RBFOX1: variants seen among roughly 807,000 people sequenced by gnomAD.
The protein encoded by RBFOX1 is RNA binding fox-1 homolog 1, also known as RNA binding protein fox-1 homolog 1.
Under a neutral mutation model 57.7 loss-of-function variants are expected in RBFOX1, and 8 were observed. That is an observed-to-expected ratio of 0.14 (90% CI 0.08 to 0.25). RBFOX1 has a LOEUF of 0.25. Among genes scored for constraint, RBFOX1 ranks in the 10% least tolerant of loss-of-function variants. The pLI is 1.00. For missense variants in RBFOX1, 611 were observed against 548.5 expected, an observed-to-expected ratio of 1.11 and a Z score of -1.14; for synonymous variants, 326 against 222.4, an observed-to-expected ratio of 1.47 and a Z score of -4.15.
intron 4 of RBFOX1, among the ~76,000 whole-genome samples, chr16:7,428,516 T>TTAC (rs1568851982): frequency 6.9e-6 from 1 of 145,216 alleles, no homozygotes; most frequent in African/African-American, 2.5e-5. Flanking sequence ...ATTATTATTA[T>TTAC]TATTATTATT....
chr16:7,350,005 G>C (rs966149888), intron 4 of RBFOX1, among the ~76,000 whole-genome samples: 23 of 152,146 alleles, frequency 1.5e-4, no homozygotes, highest in African/African-American at 5.5e-4. Context: ...AAAATTAGCT[G>C]GCATGATGGC....
At chr16:6,986,710 C>T (rs764911540) in intron 3 of RBFOX1, among the ~76,000 whole-genome samples, 1 of 151,994 alleles carries the variant, frequency 6.6e-6, no homozygotes, top group Non-Finnish European at 1.5e-5. Flanking sequence ...TGTCTTTTTG[C>T]AAATTCTTGA....
intron 4 of RBFOX1, among the ~76,000 whole-genome samples, chr16:7,360,873 T>C (rs1164594272): frequency 6.6e-6 from 1 of 152,228 alleles, no homozygotes; most frequent in Non-Finnish European, 1.5e-5. Flanking sequence ...CCTTGACATC[T>C]TCGAGTATCT....
chr16:7,135,535 G>A (rs963723834), intron 4 of RBFOX1, among the ~76,000 whole-genome samples: 2 of 152,218 alleles, frequency 1.3e-5, no homozygotes, highest in African/African-American at 2.4e-5. Flanking sequence ...GCAATAAGAA[G>A]ATAATTAAGG....
intron 2 of RBFOX1, among the ~76,000 whole-genome samples, chr16:6,531,557 A>G (rs1043660347): frequency 3.3e-5 from 5 of 152,134 alleles, no homozygotes; most frequent in Non-Finnish European, 5.9e-5. Flanking sequence ...CTTTTGGAAA[A>G]TACCTATTGT....
At chr16:6,688,552 G>C (rs982996525) in intron 3 of RBFOX1, among the ~76,000 whole-genome samples, 50 of 152,144 alleles carry the variant, frequency 3.3e-4, no homozygotes, top group African/African-American at 1.1e-3. Context: ...CACCGTAGTG[G>C]GGACAATAGG....
At chr16:6,612,007 G>A (rs986424985) in intron 2 of RBFOX1, among the ~76,000 whole-genome samples, 1 of 152,058 alleles carries the variant, frequency 6.6e-6, no homozygotes, top group Non-Finnish European at 1.5e-5. Flanking sequence ...TCCCCTTGAT[G>A]AAAAAATTCC....
chr16:6,807,395 G>T, intron 3 of RBFOX1, among the ~76,000 whole-genome samples: 1 of 152,120 alleles, frequency 6.6e-6, no homozygotes, highest in East Asian at 1.9e-4. Context: ...TGCATTTAGG[G>T]TTGGTTGACT....
chr16:7,303,682 C>G lies in RBFOX1; in HGVS notation c.28-214465C>G, dbSNP rs191557980. ...AATGAGGAGACAGACAGCATCAGAA[C>G]CAACGGAGTGAGCTTCAGTGTGAGT... is the stretch of plus-strand genomic sequence containing the variant. On this transcript the variant is annotated intron_variant, in intron 4 of 15. Transcript: ENST00000550418. 5.9e-4 allele frequency among the ~76,000 whole-genome samples: 90 copies of G among 152,234 alleles called. No homozygotes were observed. The South Asian group carries it at 8.9e-3, about 15-fold the overall frequency.
At chr16:7,427,968 C>A (rs1213189450) in intron 4 of RBFOX1, among the ~76,000 whole-genome samples, 1 of 152,142 alleles carries the variant, frequency 6.6e-6, no homozygotes, top group Non-Finnish European at 1.5e-5. Flanking sequence ...GAACATACTC[C>A]GTGCCCCCAT....
chr16:5,892,769 A>G (rs2151937163), intron 4 of RBFOX1, among the ~76,000 whole-genome samples: 1 of 152,242 alleles, frequency 6.6e-6, no homozygotes. Flanking sequence ...TATTTTAGGA[A>G]CAGCATGTGC....
chr16:6,858,980 C>G (rs1444360308), intron 3 of RBFOX1, among the ~76,000 whole-genome samples: 1 of 151,264 alleles, frequency 6.6e-6, no homozygotes, highest in Admixed American at 6.6e-5. Flanking sequence ...CACATGTACA[C>G]ATTTTAGCTT....
chr16:6,221,850 A>G (rs1267071079), intron 1 of RBFOX1, among the ~76,000 whole-genome samples: 3 of 152,176 alleles, frequency 2.0e-5, no homozygotes, highest in African/African-American at 4.8e-5. Context: ...CCCATGATCC[A>G]GTTTTCTCCA....
rs546277434 is a variant in RBFOX1, at chr16:5,903,193, T to C, written c.351+35858T>C. On this transcript the variant is annotated intron_variant, in intron 4 of 19. Coordinates refer to the RBFOX1 transcript ENST00000641259. ...TTCTGCACTGGAAAATGTAAACCCA[T>C]GCAGTGTTTCAGAAGACAGTCTCCT... Among the ~76,000 whole-genome samples the C allele has an allele frequency of 2.9e-4, 44 of 152,222 alleles. 1 individual carries two copies. The South Asian group carries it at 8.5e-3, about 29-fold the overall frequency.
intron 3 of RBFOX1, among the ~76,000 whole-genome samples, chr16:6,977,557 A>G (rs1169025887): frequency 3.9e-5 from 6 of 152,016 alleles, no homozygotes; most frequent in Admixed American, 2.6e-4. Context: ...ACCTCTGACA[A>G]TTGGACACAC....
intron 11 of RBFOX1, among the ~76,000 whole-genome samples, chr16:7,637,426 G>C (rs916349285): frequency 7.2e-5 from 11 of 152,204 alleles, no homozygotes; most frequent in Non-Finnish European, 1.6e-4. Flanking sequence ...ATTGATTGCA[G>C]ATTTTAAGGA....
intron 4 of RBFOX1, among the ~76,000 whole-genome samples, chr16:5,998,316 T>C (rs2060525322): frequency 6.6e-6 from 1 of 152,228 alleles, no homozygotes; most frequent in Non-Finnish European, 1.5e-5. Context: ...TTCATTAAAT[T>C]TGAGGAAAAC....
intron 2 of RBFOX1, among the ~76,000 whole-genome samples, chr16:6,499,861 G>C (rs938354969): frequency 6.6e-6 from 1 of 152,110 alleles, no homozygotes; most frequent in Non-Finnish European, 1.5e-5. Flanking sequence ...GAATGAAGTT[G>C]TCACCTGCTT....
intron 3 of RBFOX1, chr16:6,773,994 A>G (rs1158094299): frequency 1.0e-6 from 1 of 985,320 alleles, no homozygotes; most frequent in Non-Finnish European, 1.2e-6. Flanking sequence ...TGAACCTGTA[A>G]TTAGCTCCTC....
Sources: gnomAD v4.1 joint callset for allele counts (sites outside exome capture counted in the v4.1 genomes callset) on GRCh38, gnomAD v4.1.1 for gene constraint, MANE v1.5 for transcripts, NCBI Gene and HGNC (gene_info 2026-07-23, HGNC 2026-07-21) for gene names.